Variants in ANKRD30B observed in about 807,000 individuals in gnomAD.
ANKRD30B encodes ankyrin repeat domain-containing protein 30B.
A neutral mutation model predicts 202.2 loss-of-function variants in ANKRD30B; 144 were observed. The ratio of observed to expected loss-of-function variants is 0.71; its 90% CI spans 0.62 to 0.82. ANKRD30B has a LOEUF of 0.82. Among genes scored for constraint, ANKRD30B ranks in the 40% least tolerant of loss-of-function variants. The pLI is 0.00. For synonymous variants in ANKRD30B, 508 were observed against 561.3 expected (o/e 0.91, Z 1.34); for missense variants, 1,487 against 1,669.1 (o/e 0.89, Z 1.90).
chr18:14,786,223 A>G (rs1446511272), intron 14 of ANKRD30B, among the ~76,000 whole-genome samples: 1 of 152,150 alleles, frequency 6.6e-6, no homozygotes, highest in Admixed American at 6.5e-5. Flanking sequence ...ACTGGAAGTT[A>G]TTTTTGGTAT....
intron 1 of ANKRD30B, among the ~76,000 whole-genome samples, chr18:14,749,645 T>C (rs1913078544): frequency 1.7e-5 from 2 of 117,360 alleles, no homozygotes; most frequent in African/African-American, 3.5e-5. Flanking sequence ...CAATCCAGCC[T>C]AGGTGACAGA....
At chr18:14,754,470 C>G (rs868647503) in intron 3 of ANKRD30B, among the ~76,000 whole-genome samples, 1 of 152,034 alleles carries the variant, frequency 6.6e-6, no homozygotes, top group Admixed American at 6.6e-5. Context: ...TACAGTGCTT[C>G]TGGTAAGGTA....
intron 17 of ANKRD30B, 35 bp downstream of exon 17, chr18:14,796,284 C>T (rs998436986): frequency 1.9e-6 from 3 of 1,609,592 alleles, no homozygotes; most frequent in African/African-American, 2.7e-5. Context: ...TGAATACTAA[C>T]TACATATTTT....
the ANKRD30B span, among the ~76,000 whole-genome samples, chr18:14,930,376 G>A: frequency 2.8e-4 from 42 of 152,220 alleles, 2 homozygotes; most frequent in South Asian, 8.5e-3. Flanking sequence ...GTGGGGTGCA[G>A]AGCCTGGGGC....
chr18:14,849,468 T>G (rs1036851601), intron 40 of ANKRD30B, among the ~76,000 whole-genome samples: 3 of 151,788 alleles, frequency 2.0e-5, no homozygotes, highest in Non-Finnish European at 4.4e-5. Flanking sequence ...AATCTTAATG[T>G]GCATGGAATA....
At chr18:14,797,594 G>C (rs539120466) in intron 18 of ANKRD30B, 67 bp from the exon 19 acceptor site, 19 of 1,480,630 alleles carry the variant, frequency 1.3e-5, no homozygotes, top group Middle Eastern at 1.7e-4. Flanking sequence ...TATTCACACT[G>C]TATGAACGTT....
the ANKRD30B span, chr18:14,915,763 C>T: frequency 6.6e-6 from 1 of 152,200 alleles, no homozygotes; most frequent in African/African-American, 2.4e-5. Context: ...ATTTCAAGCA[C>T]ATATACTTCA....
At chr18:14,809,756 T>C (rs1969798615) in intron 26 of ANKRD30B, among the ~76,000 whole-genome samples, 1 of 150,944 alleles carries the variant, frequency 6.6e-6, no homozygotes, top group South Asian at 2.1e-4. Flanking sequence ...TGCAATTTTG[T>C]TTTACAATAA....
chr18:14,906,798 A>G, the ANKRD30B span, among the ~76,000 whole-genome samples: 77,956 of 150,968 alleles, frequency 0.52, 20,337 homozygotes, highest in African/African-American at 0.54. Flanking sequence ...CGTGTGCTCA[A>G]GGTGGTTGGG....
At chr18:14,790,941 G>C (rs893363733) in intron 15 of ANKRD30B, among the ~76,000 whole-genome samples, 1 of 152,038 alleles carries the variant, frequency 6.6e-6, no homozygotes, top group African/African-American at 2.4e-5. Flanking sequence ...TTTTTCTATT[G>C]ATTGGAATAG....
chr18:14,918,031 C>A, the ANKRD30B span, among the ~76,000 whole-genome samples: 1 of 152,172 alleles, frequency 6.6e-6, no homozygotes, highest in Non-Finnish European at 1.5e-5. Context: ...CTTCTAATCC[C>A]TGGCACCTGT....
intron 34 of ANKRD30B, among the ~76,000 whole-genome samples, chr18:14,832,815 C>T (rs1164547993): frequency 1.3e-5 from 2 of 152,038 alleles, no homozygotes; most frequent in Admixed American, 6.5e-5. Flanking sequence ...AATAAGAAGA[C>T]AATAAATCAG....
chr18:14,808,432 A>G (rs768151876), intron 24 of ANKRD30B, 119 bp from the exon 25 acceptor site: 12 of 1,084,296 alleles, frequency 1.1e-5, no homozygotes, highest in Non-Finnish European at 1.4e-6. Context: ...CCCAAAACCT[A>G]GTGTAATCCC....
chr18:14,840,955 G>C (rs1191635261), intron 37 of ANKRD30B, among the ~76,000 whole-genome samples: 3 of 152,220 alleles, frequency 2.0e-5, no homozygotes, highest in African/African-American at 7.2e-5. Flanking sequence ...GAGAGTACAG[G>C]GAGTACATGA....
chr18:14,792,467 A>T (rs1204302880), intron 16 of ANKRD30B, among the ~76,000 whole-genome samples: 1 of 152,054 alleles, frequency 6.6e-6, no homozygotes, highest in Non-Finnish European at 1.5e-5. Context: ...GGGAAGAAAC[A>T]AGAGCACAAG....
the ANKRD30B span, among the ~76,000 whole-genome samples, chr18:14,891,907 T>G: frequency 6.6e-6 from 1 of 152,168 alleles, no homozygotes; most frequent in South Asian, 2.1e-4. Context: ...AAATACTGAA[T>G]AAATTCATTG....
intron 1 of ANKRD30B, among the ~76,000 whole-genome samples, chr18:14,749,892 A>G (rs915141767): frequency 7.9e-5 from 12 of 151,992 alleles, no homozygotes; most frequent in Non-Finnish European, 1.8e-4. Flanking sequence ...AATTAGTTTC[A>G]TAAGTGAAAT....
intron 37 of ANKRD30B, among the ~76,000 whole-genome samples, chr18:14,840,927 T>C (rs532314309): frequency 1.3e-5 from 2 of 152,102 alleles, no homozygotes; most frequent in Non-Finnish European, 2.9e-5. Flanking sequence ...AAACAGGGAA[T>C]GAAGACTGAG....
At chr18:14,874,298 CACGTTAATTATT>C in the ANKRD30B span, among the ~76,000 whole-genome samples, 1 of 152,164 alleles carries the variant, frequency 6.6e-6, no homozygotes, top group African/African-American at 2.4e-5. Flanking sequence ...ACCCACATTT[CACGTTAATTATT>C]ATTATTATTT....
Sources: allele counts gnomAD v4.1 joint callset (sites outside exome capture counted in the v4.1 genomes callset), GRCh38; gene constraint gnomAD v4.1.1; transcripts MANE v1.5; gene names NCBI Gene and HGNC (gene_info 2026-07-23, HGNC 2026-07-21).